The following NCKAP5 variants were observed in gnomAD, a reference collection of about 807,000 sequenced individuals.
NCKAP5 encodes the protein NCK associated protein 5.
Under a neutral mutation model 167.0 loss-of-function variants are expected in NCKAP5, and 92 were observed. The ratio of observed to expected loss-of-function variants is 0.55; its 90% CI spans 0.47 to 0.66. NCKAP5 has a LOEUF of 0.66. Among genes scored for constraint, NCKAP5 ranks in the 30% least tolerant of loss-of-function variants. The probability of loss-of-function intolerance (pLI) is 0.00; values close to 1 mark genes in which losing one functional copy is unlikely to be tolerated. For synonymous variants in NCKAP5, 891 were observed against 877.4 expected, an observed-to-expected ratio of 1.02 and a Z score of -0.27; for missense variants, 2,378 against 2,315.0, an observed-to-expected ratio of 1.03 and a Z score of -0.56.
At chr2:133,673,808 G>A in the NCKAP5 span, among the ~76,000 whole-genome samples, 528 of 152,302 alleles carry the variant, frequency 3.5e-3, 4 homozygotes, top group African/African-American at 0.012. Context: ...ACGCTGCAAT[G>A]TGATCCTTCA....
At chr2:133,344,407 C>CA (rs376699332) in intron 3 of NCKAP5, among the ~76,000 whole-genome samples, 24,081 of 90,022 alleles carry the variant, frequency 0.27, 2,748 homozygotes, top group African/African-American at 0.38. Context: ...AACTTTGTCT[C>CA]AAAAAAAAAA....
At chr2:132,772,566 T>A (rs778721902) in intron 16 of NCKAP5, among the ~76,000 whole-genome samples, 6 of 152,226 alleles carry the variant, frequency 3.9e-5, no homozygotes, top group Non-Finnish European at 8.8e-5. Context: ...CACAATGTCA[T>A]GTTTGAAGGC....
intron 3 of NCKAP5, among the ~76,000 whole-genome samples, chr2:133,304,909 G>A (rs1395819057): frequency 6.6e-6 from 1 of 152,192 alleles, no homozygotes; most frequent in Non-Finnish European, 1.5e-5. Flanking sequence ...GACTTTGGGA[G>A]GAGCAGCTTT....
chr2:133,595,949 T>G, the NCKAP5 span: 1 of 152,252 alleles, frequency 6.6e-6, no homozygotes, highest in East Asian at 1.9e-4. Flanking sequence ...GTACAAATCA[T>G]AATGTGATTA....
At chr2:132,816,253 T>C (rs1278936055) in intron 11 of NCKAP5, among the ~76,000 whole-genome samples, 1 of 152,018 alleles carries the variant, frequency 6.6e-6, no homozygotes, top group Non-Finnish European at 1.5e-5. Flanking sequence ...TCACCTCCAC[T>C]GAAGAATCAC....
chr2:132,801,467 G>T (rs1685029939), intron 11 of NCKAP5, among the ~76,000 whole-genome samples: 1 of 152,206 alleles, frequency 6.6e-6, no homozygotes. Flanking sequence ...ATTTACACAT[G>T]TATATGTAGT....
intron 3 of NCKAP5, among the ~76,000 whole-genome samples, chr2:133,445,903 C>T (rs886614653): frequency 1.3e-5 from 2 of 152,132 alleles, no homozygotes; most frequent in African/African-American, 2.4e-5. Context: ...TGTATAAGAC[C>T]TTATTGCTGG....
chr2:133,436,778 T>C (rs530826268), intron 3 of NCKAP5, among the ~76,000 whole-genome samples: 1 of 152,270 alleles, frequency 6.6e-6, no homozygotes, highest in African/African-American at 2.4e-5. Flanking sequence ...TAATTATATG[T>C]ATGATACATC....
intron 19 of NCKAP5, among the ~76,000 whole-genome samples, chr2:132,688,985 CAAAAAA>C (rs34015551): frequency 1.5e-5 from 1 of 66,310 alleles, no homozygotes; most frequent in Admixed American, 1.9e-4. Context: ...GACACCAACT[CAAAAAA>C]AAAAAAAAAA....
intron 16 of NCKAP5, 71 bp from the exon 17 acceptor site, chr2:132,732,122 T>C (rs1000558684): frequency 5.0e-6 from 7 of 1,408,926 alleles, no homozygotes; most frequent in African/African-American, 2.9e-5. Flanking sequence ...ATCATGGAAA[T>C]TGGGGTATGA....
chr2:132,755,334 C>G (rs545129967), intron 16 of NCKAP5, among the ~76,000 whole-genome samples: 1 of 152,254 alleles, frequency 6.6e-6, no homozygotes, highest in East Asian at 1.9e-4. Flanking sequence ...CATCTTAGGC[C>G]TTTCTCATCA....
chr2:132,731,897 A>G lies in NCKAP5; in HGVS notation c.5283T>C (p.Val1761=). Residue 1761 remains valine, a synonymous_variant, in exon 17 of 20, where the codon GTT becomes GTC. Coordinates refer to ENST00000409261, the MANE Select transcript of NCKAP5 (RefSeq NM_207363.3). Reference sequence around the variant, plus strand: ...CAAGGGTTTGGGCTCTCATGGAAGAAACTGCAGAAAGGGCTGACTGGAGAG... The same window carrying G: ...CAAGGGTTTGGGCTCTCATGGAAGAGACTGCAGAAAGGGCTGACTGGAGAG... The part of the protein sequence containing the change: ...LLPLQSALSA[V]SSMRAQTLER... 1 of 1,613,898 alleles carries G rather than the reference A, an allele frequency of 6.2e-7. No homozygotes were observed. Among genetic ancestry groups the G allele is most frequent in the Non-Finnish European group, 8.5e-7 (1 of 1,179,868 alleles).
Position 133,422,244 on chromosome 2 carries a change from G to T in NCKAP5, c.69+95214C>A, listed in dbSNP as rs116213972. 2.3e-3 allele frequency among the ~76,000 whole-genome samples: 351 copies of T among 152,326 alleles called. 2 individuals carry two copies. The highest frequency in any genetic ancestry group is 7.6e-3 in the African/African-American group (317 of 41,574). ...ATGCATACATGGCCTCTGTCCTCAA[G>T]GAGCTTACTCCCAGCACAGGTTGCT... On this transcript the variant is annotated intron_variant, in intron 3 of 19. Coordinates refer to ENST00000409261, the MANE Select transcript of NCKAP5 (RefSeq NM_207363.3).
chr2:132,926,847 C>A (rs1695938373), intron 8 of NCKAP5, among the ~76,000 whole-genome samples: 1 of 151,944 alleles, frequency 6.6e-6, no homozygotes, highest in Non-Finnish European at 1.5e-5. Flanking sequence ...CGTTTATTTC[C>A]TTTGCTGTGG....
At chr2:132,789,297 A>C (rs1182817819) in intron 13 of NCKAP5, among the ~76,000 whole-genome samples, 3 of 152,220 alleles carry the variant, frequency 2.0e-5, no homozygotes, top group African/African-American at 7.2e-5. Flanking sequence ...AGCAGTCATT[A>C]TTCAGAGCAC....
the NCKAP5 span, among the ~76,000 whole-genome samples, chr2:133,649,959 A>G: frequency 6.6e-6 from 1 of 152,178 alleles, no homozygotes; most frequent in African/African-American, 2.4e-5. Flanking sequence ...GAAAGCCTAA[A>G]GACTCCACCA....
chr2:133,362,708 G>A (rs1452131955), intron 3 of NCKAP5, among the ~76,000 whole-genome samples: 1 of 152,116 alleles, frequency 6.6e-6, no homozygotes, highest in Non-Finnish European at 1.5e-5. Flanking sequence ...GAGAGGCAAA[G>A]TGAATCTGGA....
the NCKAP5 span, among the ~76,000 whole-genome samples, chr2:133,657,360 A>T: frequency 3.9e-5 from 6 of 152,236 alleles, no homozygotes; most frequent in African/African-American, 1.4e-4. Flanking sequence ...AACTCGTTTA[A>T]CATATTTTTT....
At chr2:133,440,772 G>T (rs1358775310) in intron 3 of NCKAP5, among the ~76,000 whole-genome samples, 2 of 150,542 alleles carry the variant, frequency 1.3e-5, no homozygotes, top group Non-Finnish European at 3.0e-5. Flanking sequence ...ATGGAGTATG[G>T]TGCTCATTGG....
Sources: gnomAD v4.1 joint callset for allele counts (sites outside exome capture counted in the v4.1 genomes callset) on GRCh38, gnomAD v4.1.1 for gene constraint, MANE v1.5 for transcripts, NCBI Gene and HGNC (gene_info 2026-07-23, HGNC 2026-07-21) for gene names.